Variants in GULP1 observed in about 807,000 individuals in gnomAD.
GULP1 encodes the protein GULP PTB domain containing engulfment adaptor 1, also known as PTB domain-containing engulfment adapter protein 1.
A neutral mutation model predicts 40.9 loss-of-function variants in GULP1; 19 were observed. That is an observed-to-expected ratio of 0.46 (90% CI 0.32 to 0.68). The LOEUF is 0.68. Ranked by LOEUF, GULP1 falls within the 30% of genes least tolerant of loss-of-function variation. The probability of loss-of-function intolerance (pLI) is 0.03; values close to 1 mark genes in which losing one functional copy is unlikely to be tolerated. For missense variants in GULP1, 312 were observed against 362.2 expected (o/e 0.86, Z 1.12); for synonymous variants, 119 against 117.6 (o/e 1.01, Z -0.08).
chr2:188,520,595 C>T (rs1344431773), intron 4 of GULP1, among the ~76,000 whole-genome samples: 2 of 151,572 alleles, frequency 1.3e-5, no homozygotes, highest in African/African-American at 2.4e-5. Context: ...CTTCTCTTTG[C>T]CTCAGTGCAA....
Position 188,445,182 on chromosome 2 carries a change from C to G in GULP1, c.-44-32477C>G, listed in dbSNP as rs537671176. 2.6e-5 allele frequency among the ~76,000 whole-genome samples: 4 copies of G among 152,220 alleles called. No individual in the cohort carries two copies. In the East Asian group the frequency reaches 7.7e-4, roughly 29 times the overall value. On this transcript the variant is annotated intron_variant, in intron 2 of 11. Transcript: ENST00000409830. The stretch of plus-strand genomic sequence containing the variant: ...ATAAACCTTGACGTTTGATGCCATT[C>G]AGCCTTATCTCAATTCTAGGTTTCT...
chr2:188,314,945 G>C (rs2038836212), intron 1 of GULP1, among the ~76,000 whole-genome samples: 2 of 152,164 alleles, frequency 1.3e-5, no homozygotes, highest in South Asian at 4.1e-4. Context: ...CTGCTGTCTT[G>C]GTATAGCAGT....
At chr2:188,533,394 C>G (rs1575839968) in intron 6 of GULP1, among the ~76,000 whole-genome samples, 1 of 152,142 alleles carries the variant, frequency 6.6e-6, no homozygotes, top group Non-Finnish European at 1.5e-5. Flanking sequence ...AATGATTATT[C>G]AATAATTGGT....
At chr2:188,549,339 GACA>G (rs928414612) in intron 7 of GULP1, among the ~76,000 whole-genome samples, 2 of 151,760 alleles carry the variant, frequency 1.3e-5, no homozygotes, top group South Asian at 2.1e-4. Context: ...ATGAACAAAA[GACA>G]ACAAGATGCA....
Position 188,379,850 on chromosome 2 carries a change from G to C in GULP1, c.-171-3913G>C, listed in dbSNP as rs2048788536. 1.3e-5 allele frequency among the ~76,000 whole-genome samples: 2 copies of C among 152,162 alleles called. 1 individual carries two copies. Among genetic ancestry groups the C allele is most frequent in the South Asian group, 4.1e-4 (2 of 4,838 alleles). ...TTCTTATTCCTGTGCCCTTGCTTATGGTGTTTCCTTTGCCATCCGTGGCTT... is the reference window on the plus strand; with the variant it reads ...TTCTTATTCCTGTGCCCTTGCTTATCGTGTTTCCTTTGCCATCCGTGGCTT... On this transcript the variant is annotated intron_variant, in intron 1 of 11. Coordinates refer to ENST00000409830, the MANE Select transcript of GULP1 (RefSeq NM_016315.4).
At chr2:188,568,703 C>A (rs185626319) in intron 7 of GULP1, among the ~76,000 whole-genome samples, 1 of 152,276 alleles carries the variant, frequency 6.6e-6, no homozygotes, top group Non-Finnish European at 1.5e-5. Context: ...CAACAATTAA[C>A]TGGGACAGAG....
chr2:188,465,094 C>T lies in GULP1; in HGVS notation c.-44-12565C>T, dbSNP rs1013398957. Among the ~76,000 whole-genome samples the T allele has an allele frequency of 2.6e-5, 4 of 151,784 alleles. No individual in the cohort carries two copies. In the South Asian group the frequency reaches 8.3e-4, roughly 32 times the overall value. On this transcript the variant is annotated intron_variant, in intron 2 of 11. Transcript: ENST00000409830. ...AGCAGAAGGAGTCTCACCCTGTAGC[C>T]ACCACAGCTGGAAATGTGCTGAGTC...
chr2:188,326,925 C>A (rs2040839997), intron 1 of GULP1, among the ~76,000 whole-genome samples: 1 of 152,084 alleles, frequency 6.6e-6, no homozygotes, highest in Non-Finnish European at 1.5e-5. Flanking sequence ...CTGTACAAGG[C>A]ATCGGTCTGT....
chr2:188,353,629 A>G (rs530106366), intron 1 of GULP1, among the ~76,000 whole-genome samples: 1 of 151,956 alleles, frequency 6.6e-6, no homozygotes, highest in African/African-American at 2.4e-5. Context: ...CTGCCTGTGC[A>G]TGAGCTGAAG....
chr2:188,439,178 A>C (rs2057704462), intron 2 of GULP1, among the ~76,000 whole-genome samples: 1 of 152,074 alleles, frequency 6.6e-6, no homozygotes, highest in South Asian at 2.1e-4. Context: ...GAGAAAAGTA[A>C]ATTCAGAGAA....
intron 10 of GULP1, among the ~76,000 whole-genome samples, chr2:188,586,834 A>T (rs1702478416): frequency 6.6e-6 from 1 of 152,056 alleles, no homozygotes. Context: ...TTTAGAGGAT[A>T]TGGCAGAAAT....
At chr2:188,389,756 A>C (rs2050266527) in intron 2 of GULP1, among the ~76,000 whole-genome samples, 1 of 151,970 alleles carries the variant, frequency 6.6e-6, no homozygotes, top group Non-Finnish European at 1.5e-5. Context: ...TTTATTCCTC[A>C]CCCAGTTCCC....
rs901315276 is a variant in GULP1 at position 188,567,222 on chromosome 2, G to A, written c.400-2017G>A. ...TTCAGTTATTGTGGAAGACAGTGTG[G>A]CGATTCCTCAAGGATCTAGAACTAG... On this transcript the variant is annotated intron_variant, in intron 7 of 11. Coordinates refer to ENST00000409830, the MANE Select transcript of GULP1 (RefSeq NM_016315.4). Among the ~76,000 whole-genome samples, 4 of 152,242 alleles carry A rather than the reference G, an allele frequency of 2.6e-5. No homozygotes were observed. In the East Asian group the frequency reaches 5.8e-4, roughly 22 times the overall value.
At chr2:188,449,574 T>C (rs1335752697) in intron 2 of GULP1, among the ~76,000 whole-genome samples, 1 of 152,236 alleles carries the variant, frequency 6.6e-6, no homozygotes, top group Non-Finnish European at 1.5e-5. Flanking sequence ...TTGTGAGATA[T>C]CATTACTTCC....
At chr2:188,456,913 G>A (rs922483814) in intron 2 of GULP1, among the ~76,000 whole-genome samples, 1 of 152,152 alleles carries the variant, frequency 6.6e-6, no homozygotes, top group African/African-American at 2.4e-5. Flanking sequence ...TGACTTGGAT[G>A]TGAGACATGG....
intron 1 of GULP1, among the ~76,000 whole-genome samples, chr2:188,338,913 C>A (rs550853066): frequency 1.3e-5 from 2 of 152,308 alleles, no homozygotes; most frequent in South Asian, 4.1e-4. Context: ...TCACCAACTA[C>A]TGACAGTTTT....
intron 7 of GULP1, among the ~76,000 whole-genome samples, chr2:188,564,815 C>A (rs1697249881): frequency 6.6e-6 from 1 of 151,848 alleles, no homozygotes; most frequent in African/African-American, 2.4e-5. Flanking sequence ...TCAGAACTTA[C>A]CTTAAACTCT....
chr2:188,432,933 T>C (rs1237473279), intron 2 of GULP1, among the ~76,000 whole-genome samples: 3 of 152,038 alleles, frequency 2.0e-5, no homozygotes, highest in African/African-American at 7.2e-5. Flanking sequence ...ACTTCAGAAC[T>C]CTGGCTATGA....
chr2:188,419,558 T>G (rs1022687963), intron 2 of GULP1, among the ~76,000 whole-genome samples: 3 of 148,520 alleles, frequency 2.0e-5, no homozygotes, highest in Admixed American at 6.7e-5. Flanking sequence ...CCATTTGTGT[T>G]TTTTTTTTTA....
Sources: gnomAD v4.1 joint callset for allele counts (sites outside exome capture counted in the v4.1 genomes callset) on GRCh38, gnomAD v4.1.1 for gene constraint, MANE v1.5 for transcripts, NCBI Gene and HGNC (gene_info 2026-07-23, HGNC 2026-07-21) for gene names.